B3GALNT2: variants seen among roughly 807,000 people sequenced by gnomAD.
B3GALNT2 encodes the protein beta-1,3-N-acetylgalactosaminyltransferase 2.
A neutral mutation model predicts 61.1 loss-of-function variants in B3GALNT2; 53 were observed. That is an observed-to-expected ratio of 0.87 (90% confidence interval 0.70 to 1.09). The LOEUF (loss-of-function observed/expected upper bound fraction) is 1.09. Among genes scored for constraint, B3GALNT2 ranks in the 50% least tolerant of loss-of-function variants. The probability of loss-of-function intolerance (pLI) is 0.00; values close to 1 mark genes in which losing one functional copy is unlikely to be tolerated. For synonymous variants in B3GALNT2, 223 were observed against 237.4 expected, an observed-to-expected ratio of 0.94 and a Z score of 0.56; for missense variants, 544 against 623.0, an observed-to-expected ratio of 0.87 and a Z score of 1.35.
chr1:235,451,366 G>A (rs1219431044), intron 11 of B3GALNT2: 1 of 151,036 alleles, frequency 6.6e-6, no homozygotes, highest in African/African-American at 2.4e-5. Context: ...TTCATAGATG[G>A]TAGTATTCCT....
chr1:235,448,935 A>C lies in B3GALNT2; in HGVS notation c.*1271T>G. On this transcript the variant is annotated 3_prime_UTR_variant, in exon 12 of 12. Transcript: ENST00000366600. ...GAAGTGACCATTTCTAGGCTTATACATAATAGCAATAATAAAGGCTTTGAA... is the reference window on the plus strand; with the variant it reads ...GAAGTGACCATTTCTAGGCTTATACCTAATAGCAATAATAAAGGCTTTGAA... 1.7e-6 allele frequency: 1 copy of C among 575,976 alleles called. No individual in the cohort carries two copies. 35.7% of individuals were successfully genotyped at this position (575,976 alleles called of 1,614,324 possible).
intron 6 of B3GALNT2, among the ~76,000 whole-genome samples, chr1:235,468,943 A>C (rs1241179288): frequency 2.0e-5 from 3 of 152,150 alleles, no homozygotes; most frequent in Non-Finnish European, 4.4e-5. Context: ...GTGTTTACTA[A>C]AGTAAACACC....
intron 7 of B3GALNT2, chr1:235,463,563 TTTC>T (rs1221853304): frequency 2.7e-5 from 4 of 145,548 alleles, no homozygotes; most frequent in Admixed American, 6.9e-5. Flanking sequence ...CATTTCCTAA[TTTC>T]TTTTTTTTTT....
intron 6 of B3GALNT2, among the ~76,000 whole-genome samples, chr1:235,469,152 C>T (rs1347691514): frequency 6.6e-6 from 1 of 152,154 alleles, no homozygotes; most frequent in East Asian, 1.9e-4. Flanking sequence ...GTCTATTTTA[C>T]CCTGCCATTG....
downstream of B3GALNT2, chr1:235,442,750 A>G (rs1681981439): frequency 9.0e-7 from 1 of 1,114,604 alleles, no homozygotes; most frequent in African/African-American, 1.6e-5. Context: ...GCCAATTTGC[A>G]CTGAATACCT....
At chr1:235,441,938 CAGTT>C in the B3GALNT2 span, 28 of 1,483,698 alleles carry the variant, frequency 1.9e-5, no homozygotes, top group South Asian at 1.6e-4. Context: ...GGTGCTGAAA[CAGTT>C]AGTGTGTTTC....
In B3GALNT2 at chr1:235,450,037, A is replaced by C; in HGVS notation, c.*169T>G. On this transcript the variant is annotated 3_prime_UTR_variant, in exon 12 of 12. Transcript: ENST00000366600. ...TACAGTACAAGTTGATTTTTAAGGA[A>C]ATTTGTGCAAACATTAAGAAACACC... The C allele has an allele frequency of 1.4e-6, 1 of 704,596 alleles. No individual in the cohort carries two copies. Among genetic ancestry groups the C allele is most frequent in the Non-Finnish European group, 2.2e-6 (1 of 457,324 alleles). 43.6% of individuals were successfully genotyped at this position (704,596 alleles called of 1,614,324 possible).
chr1:235,487,213 C>T (rs1369246397), intron 3 of B3GALNT2, among the ~76,000 whole-genome samples: 2 of 151,800 alleles, frequency 1.3e-5, no homozygotes, highest in Non-Finnish European at 2.9e-5. Flanking sequence ...ACTTTCTCCC[C>T]AGCACACAAT....
At chr1:235,489,318 A>T (rs1371229026) in intron 2 of B3GALNT2, 50 bp from the exon 3 acceptor site, 1 of 1,606,292 alleles carries the variant, frequency 6.2e-7, no homozygotes, top group South Asian at 1.1e-5. Context: ...CACCTCGCAC[A>T]TGCACGTTTC....
intron 9 of B3GALNT2, among the ~76,000 whole-genome samples, chr1:235,455,265 G>C (rs1683107610): frequency 6.6e-6 from 1 of 152,030 alleles, no homozygotes; most frequent in Non-Finnish European, 1.5e-5. Context: ...AAGGGCTACA[G>C]GCTCACATCA....
At chr1:235,446,268 C>T (rs972467584), downstream of B3GALNT2, among the ~76,000 whole-genome samples, 7 of 152,048 alleles carry the variant, frequency 4.6e-5, no homozygotes. Context: ...CTCTGCCTTC[C>T]GGGTTCAAGC....
chr1:235,463,136 C>T, intron 7 of B3GALNT2, among the ~76,000 whole-genome samples: 1 of 152,088 alleles, frequency 6.6e-6, no homozygotes, highest in Non-Finnish European at 1.5e-5. Context: ...AATGGAAATC[C>T]AAACATCGTA....
intron 4 of B3GALNT2, among the ~76,000 whole-genome samples, chr1:235,481,334 G>A (rs1684557074): frequency 1.3e-5 from 2 of 152,154 alleles, no homozygotes. Context: ...TTGATAACTC[G>A]CACACTATAA....
chr1:235,450,367 TGA>T (rs778022077), intron 11 of B3GALNT2, 27 bp from the exon 12 acceptor site: 21 of 1,611,296 alleles, frequency 1.3e-5, no homozygotes, highest in Non-Finnish European at 1.4e-5. Flanking sequence ...AAAGCCGATC[TGA>T]GAGTGGTGAA....
At chr1:235,472,292 C>A (rs746424490) in intron 5 of B3GALNT2, among the ~76,000 whole-genome samples, 8 of 152,032 alleles carry the variant, frequency 5.3e-5, no homozygotes, top group Non-Finnish European at 1.2e-4. Context: ...GAGAGCTATG[C>A]CCCCCTGTCC....
At chr1:235,453,167 T>C (rs765546284) in intron 10 of B3GALNT2, 21 bp from the exon 11 acceptor site, 26 of 1,602,708 alleles carry the variant, frequency 1.6e-5, no homozygotes, top group Non-Finnish European at 2.2e-5. Flanking sequence ...CCCATAAAGT[T>C]TAAATGTAAA....
intron 5 of B3GALNT2, 24 bp downstream of exon 5, chr1:235,480,030 C>T (rs1324581728): frequency 3.1e-6 from 5 of 1,612,944 alleles, no homozygotes; most frequent in South Asian, 1.1e-5. Context: ...ATTGGTACTA[C>T]AGTCTTTTCC....
In B3GALNT2 at chr1:235,448,286, G is replaced by A. The variant is rs544441211; in HGVS notation, c.*1920C>T. ...CAATGATACTGTGGTCTCATCACAT[G>A]AGCTAGTTTTACAGGTAACTGTCAT... On this transcript the variant is annotated 3_prime_UTR_variant, in exon 12 of 12. Coordinates refer to ENST00000366600, the MANE Select transcript of B3GALNT2 (RefSeq NM_152490.5). 8.0e-7 allele frequency: 1 copy of A among 1,249,916 alleles called. No individual in the cohort carries two copies. The highest frequency in any genetic ancestry group is 1.2e-5 in the South Asian group (1 of 83,800). The allele number at this position is 1,249,916 out of a possible 1,614,324, so 77.4% of individuals were successfully genotyped here. A position where few individuals can be genotyped will look rare whatever the true frequency, so the allele number is the denominator to read the frequency against.
At chr1:235,454,025 G>C in intron 10 of B3GALNT2, 131 bp downstream of exon 10, 1 of 747,788 alleles carries the variant, frequency 1.3e-6, no homozygotes, top group Non-Finnish European at 2.0e-6. Flanking sequence ...TTATTATAGA[G>C]ATGGGGTCTT....
Sources: gnomAD v4.1 joint callset for allele counts (sites outside exome capture counted in the v4.1 genomes callset) on GRCh38, gnomAD v4.1.1 for gene constraint, MANE v1.5 for transcripts, NCBI Gene and HGNC (gene_info 2026-07-23, HGNC 2026-07-21) for gene names.